NUP210L: variants seen among roughly 807,000 people sequenced by gnomAD.
NUP210L encodes the protein nuclear pore membrane glycoprotein 210-like.
A neutral mutation model predicts 208.5 loss-of-function variants in NUP210L; 74 were observed. The ratio of observed to expected loss-of-function variants is 0.35; its 90% CI spans 0.29 to 0.43. The LOEUF is 0.43. Ranked by LOEUF, NUP210L falls within the 20% of genes least tolerant of loss-of-function variation. The pLI, the probability that NUP210L is intolerant of heterozygous loss-of-function variation, is 1.00. For missense variants in NUP210L, 1,843 were observed against 2,289.4 expected (o/e 0.81, Z 3.98); for synonymous variants, 780 against 816.9 (o/e 0.95, Z 0.77).
At chr1:154,072,554 G>A (rs571065182) in intron 16 of NUP210L, among the ~76,000 whole-genome samples, 6 of 151,896 alleles carry the variant, frequency 4.0e-5, no homozygotes, top group Non-Finnish European at 4.4e-5. Context: ...GGATGGTCTT[G>A]ATCTCCTGAC....
intron 13 of NUP210L, among the ~76,000 whole-genome samples, chr1:154,101,811 T>C (rs543725838): frequency 6.6e-6 from 1 of 152,126 alleles, no homozygotes; most frequent in East Asian, 1.9e-4. Flanking sequence ...GAAATACAAA[T>C]GAGATATAAA....
At position 154,058,698 on chromosome 1, in the gene NUP210L, A is replaced by G. The variant is rs374300152; in HGVS notation, c.2851-5T>C. On this transcript the variant is annotated splice_region_variant and splice_polypyrimidine_tract_variant and intron_variant, in intron 20 of 39. Coordinates refer to ENST00000368559, the Ensembl canonical transcript of NUP210L. ...TCCAGGATGTAATGGAACTAACTGG[A>G]AGTAAGAAGATGGTAGCTGGATAAA... 6.2e-7 allele frequency: 1 copy of G among 1,612,404 alleles called. No individual in the cohort carries two copies. Among genetic ancestry groups the G allele is most frequent in the African/African-American group, 1.3e-5 (1 of 74,862 alleles).
intron 35 of NUP210L, among the ~76,000 whole-genome samples, chr1:154,007,536 A>G (rs1317227535): frequency 6.6e-6 from 1 of 152,058 alleles, no homozygotes; most frequent in African/African-American, 2.4e-5. Context: ...TGCTGGGATT[A>G]CAGGCGTGAG....
chr1:154,000,329 C>G (rs1353793532), intron 37 of NUP210L, among the ~76,000 whole-genome samples: 3 of 152,092 alleles, frequency 2.0e-5, no homozygotes, highest in Non-Finnish European at 2.9e-5. Context: ...GAATATGTTC[C>G]AAGACCCTCA....
At chr1:154,010,697 C>A (rs1557911781) in intron 34 of NUP210L, among the ~76,000 whole-genome samples, 1 of 151,890 alleles carries the variant, frequency 6.6e-6, no homozygotes. Context: ...ATGGAGAAAC[C>A]CCGTCTCTAC....
chr1:154,065,544 G>A (rs1654359574), intron 17 of NUP210L, among the ~76,000 whole-genome samples: 1 of 152,138 alleles, frequency 6.6e-6, no homozygotes, highest in South Asian at 2.1e-4. Flanking sequence ...AAATACAAGA[G>A]TCAAAGATAA....
At chr1:154,094,612 A>C (rs1334157582) in intron 15 of NUP210L, among the ~76,000 whole-genome samples, 1 of 152,176 alleles carries the variant, frequency 6.6e-6, no homozygotes, top group Non-Finnish European at 1.5e-5. Flanking sequence ...AAAGTTGGGA[A>C]ACCAAATATC....
At chr1:154,027,257 G>C (rs1398263844) in intron 29 of NUP210L, among the ~76,000 whole-genome samples, 1 of 152,084 alleles carries the variant, frequency 6.6e-6, no homozygotes, top group Non-Finnish European at 1.5e-5. Context: ...ACAGGTATGG[G>C]ATCTCCTTTG....
intron 15 of NUP210L, among the ~76,000 whole-genome samples, chr1:154,090,066 G>C (rs983479991): frequency 6.6e-6 from 1 of 151,702 alleles, no homozygotes; most frequent in Non-Finnish European, 1.5e-5. Context: ...AACAGAATGA[G>C]ACCCTGTCTA....
intron 23 of NUP210L, among the ~76,000 whole-genome samples, chr1:154,055,122 C>T (rs958857456): frequency 5.1e-5 from 6 of 118,522 alleles, no homozygotes; most frequent in South Asian, 6.0e-4. Context: ...CTCTTTCTTT[C>T]TTTTCTTTCT....
At chr1:154,026,385 G>A (rs1490480702) in intron 29 of NUP210L, among the ~76,000 whole-genome samples, 1 of 152,128 alleles carries the variant, frequency 6.6e-6, no homozygotes, top group Non-Finnish European at 1.5e-5. Flanking sequence ...TTTCGCTTTT[G>A]TTGCCCAGGC....
intron 37 of NUP210L, chr1:153,996,068 G>A: frequency 3.0e-6 from 1 of 330,662 alleles, no homozygotes; most frequent in South Asian, 2.6e-5. Context: ...CAAGGCGGGT[G>A]GATCACAAGG....
At chr1:154,050,319 G>A (rs1329661901) in intron 25 of NUP210L, among the ~76,000 whole-genome samples, 1 of 152,176 alleles carries the variant, frequency 6.6e-6, no homozygotes, top group Admixed American at 6.5e-5. Flanking sequence ...TATCCTTAGA[G>A]GAGATCCTAG....
intron 32 of NUP210L, among the ~76,000 whole-genome samples, chr1:154,020,033 T>C (rs1040557217): frequency 5.9e-5 from 9 of 152,224 alleles, no homozygotes; most frequent in African/African-American, 2.2e-4. Context: ...AACCTTAAAG[T>C]AGGTTTAGCT....
chr1:154,002,023 A>C (rs750103530), intron 35 of NUP210L, 38 bp from the exon 36 acceptor site: 2 of 1,604,274 alleles, frequency 1.2e-6, no homozygotes, highest in Non-Finnish European at 8.5e-7. Flanking sequence ...AGGAAGGTTC[A>C]GAGGCTCTAT....
intron 35 of NUP210L, among the ~76,000 whole-genome samples, chr1:154,003,151 C>T (rs754622435): frequency 3.3e-5 from 5 of 151,612 alleles, no homozygotes; most frequent in Admixed American, 6.6e-5. Flanking sequence ...GCTAGGACTC[C>T]AGGCATGTGC....
chr1:154,125,750 A>T (rs1244532547), intron 10 of NUP210L, among the ~76,000 whole-genome samples: 1 of 13,074 alleles, frequency 7.6e-5, no homozygotes, highest in African/African-American at 1.6e-4. Context: ...AGGGAGGGAA[A>T]TGTTTTTTTT....
chr1:153,997,040 C>T (rs1053284518), intron 37 of NUP210L, among the ~76,000 whole-genome samples: 3 of 151,560 alleles, frequency 2.0e-5, no homozygotes, highest in Admixed American at 1.3e-4. Flanking sequence ...CTCGGCTCAC[C>T]GCAACCTCTG....
chr1:154,036,313 CATGTGTGTGTGT>C (rs759974703), intron 27 of NUP210L, among the ~76,000 whole-genome samples: 2,084 of 104,098 alleles, frequency 0.02, 27 homozygotes, highest in Middle Eastern at 0.048. Context: ...ACAGTTGGAA[CATGTGTGTGTGT>C]GTGTGTGTGT....
Sources: gnomAD v4.1 joint callset for allele counts (sites outside exome capture counted in the v4.1 genomes callset) on GRCh38, gnomAD v4.1.1 for gene constraint, MANE v1.5 for transcripts, NCBI Gene and HGNC (gene_info 2026-07-23, HGNC 2026-07-21) for gene names.